AGXT: variants seen among roughly 807,000 people sequenced by gnomAD.
AGXT encodes alanine--glyoxylate aminotransferase, also known as L-alanine: glyoxylate aminotransferase 1.
In AGXT, 41 loss-of-function variants were observed where a neutral mutation model predicts 46.9. The observed-to-expected ratio is 0.88, with a 90% confidence interval of 0.68 to 1.14. AGXT has a LOEUF of 1.14. Ranked by LOEUF, AGXT falls within the 50% of genes most tolerant of loss-of-function variation. The pLI, the probability that AGXT is intolerant of heterozygous loss-of-function variation, is 0.00. For missense variants in AGXT, 525 were observed against 522.7 expected, an observed-to-expected ratio of 1.00 and a Z score of -0.04; for synonymous variants, 244 against 227.9, an observed-to-expected ratio of 1.07 and a Z score of -0.64.
chr2:240,875,059 C>T, intron 6 of AGXT, 50 bp from the exon 7 acceptor site: 1 of 1,515,812 alleles, frequency 6.6e-7, no homozygotes, highest in Non-Finnish European at 9.2e-7. Context: ...CTGCCCTGGC[C>T]TTCAGCCCAA....
chr2:240,875,965 G>C lies in AGXT; in HGVS notation c.807G>C (p.Leu269=), dbSNP rs908760761. 1 of 1,614,238 alleles carries C rather than the reference G, an allele frequency of 6.2e-7. No individual in the cohort carries two copies. The highest frequency in any genetic ancestry group is 8.5e-7 in the Non-Finnish European group (1 of 1,180,038). The change falls in exon 8 of 11, where the codon CTG becomes CTC. Residue 269 remains leucine, a synonymous_variant. Transcript: ENST00000307503. ...ATCACACAATCCCCGTCATCAGCCT[G>C]TACAGCCTGAGAGAGAGCCTGGCCC... ...MYHHTIPVIS[L]YSLRESLALI... is the part of the protein sequence containing the mutation.
intron 9 of AGXT, 80 bp from the exon 10 acceptor site, chr2:240,877,942 C>A (rs2106431950): frequency 6.4e-7 from 1 of 1,569,028 alleles, no homozygotes; most frequent in Non-Finnish European, 8.7e-7. Context: ...GAAGCTGGGG[C>A]AGATGGTGCA....
chr2:240,870,528 C>A, intron 2 of AGXT, 116 bp from the exon 3 acceptor site: 3 of 1,243,264 alleles, frequency 2.4e-6, no homozygotes, highest in Non-Finnish European at 3.4e-6. Context: ...AGCCAGGGTG[C>A]CACGGTGGGT....
intron 2 of AGXT, among the ~76,000 whole-genome samples, chr2:240,869,665 C>T (rs1190794817): frequency 2.0e-5 from 3 of 152,298 alleles, no homozygotes; most frequent in East Asian, 3.9e-4. Flanking sequence ...GCACACACTC[C>T]TGAGAGCCCC....
At chr2:240,877,857 G>A (rs2059035897) in intron 9 of AGXT, among the ~76,000 whole-genome samples, 165 bp from the exon 10 acceptor site, 1 of 152,182 alleles carries the variant, frequency 6.6e-6, no homozygotes. Flanking sequence ...GTGGGAAGGT[G>A]CCCATCCACC....
chr2:240,875,034 G>C (rs540604814), intron 6 of AGXT, 75 bp from the exon 7 acceptor site: 1 of 1,346,152 alleles, frequency 7.4e-7, no homozygotes, highest in African/African-American at 1.4e-5. Flanking sequence ...CCGTGAAACA[G>C]GACAGCCAGC....
At chr2:240,870,774 TG>T in intron 3 of AGXT, 66 bp downstream of exon 3, 1 of 1,476,436 alleles carries the variant, frequency 6.8e-7, no homozygotes, top group South Asian at 1.2e-5. Context: ...GCTCAGGGGC[TG>T]CCTGGAATTG....
intron 10 of AGXT, 44 bp downstream of exon 10, chr2:240,878,194 G>C (rs745497096): frequency 1.9e-6 from 3 of 1,607,956 alleles, no homozygotes; most frequent in Non-Finnish European, 2.5e-6. Context: ...AACCAAACCC[G>C]CCACCCCTCC....
chr2:240,869,544 G>A (rs534498743), intron 2 of AGXT, among the ~76,000 whole-genome samples, 182 bp downstream of exon 2: 12 of 152,228 alleles, frequency 7.9e-5, no homozygotes, highest in South Asian at 4.1e-4. Context: ...CACTCATGAG[G>A]CCTGACTCTG....
At position 240,879,535 on chromosome 2, in the gene AGXT, G is replaced by GT. The variant is rs1171846651; in HGVS notation, c.*717dup. 6 of 152,436 alleles carry GT rather than the reference G, an allele frequency of 3.9e-5. No homozygotes were observed. The highest frequency in any genetic ancestry group is 1.4e-4 in the African/African-American group (6 of 41,420). 9.4% of individuals were successfully genotyped at this position (152,436 alleles called of 1,614,324 possible). A position where few individuals can be genotyped will look rare whatever the true frequency, so the allele number is the denominator to read the frequency against. On this transcript the variant is annotated 3_prime_UTR_variant, in exon 11 of 11. Transcript: ENST00000307503. ...ATTTATTTATTTATTTTGAAACGGA[G>GT]TTTCACTCTTGTTGCCCAGGCTGGA...
At chr2:240,874,505 G>A (rs1396950561) in intron 6 of AGXT, among the ~76,000 whole-genome samples, 1 of 152,250 alleles carries the variant, frequency 6.6e-6, no homozygotes, top group Non-Finnish European at 1.5e-5. Context: ...TAGGGGAAGG[G>A]GGCCAGACCT....
chr2:240,869,491 C>A, intron 2 of AGXT, 129 bp downstream of exon 2: 1 of 1,136,280 alleles, frequency 8.8e-7, no homozygotes, highest in Non-Finnish European at 1.2e-6. Flanking sequence ...CCTGTGCGCA[C>A]GAACCTCCTG....
In AGXT at chr2:240,877,751, T is replaced by A. The variant is rs2059035177; in HGVS notation, c.942+119T>A. The A allele has an allele frequency of 2.5e-6, 3 of 1,191,556 alleles. No individual in the cohort carries two copies. In the Admixed American group the frequency reaches 6.9e-5, roughly 27 times the overall value. 73.8% of individuals were successfully genotyped at this position (1,191,556 alleles called of 1,614,324 possible). A position where few individuals can be genotyped will look rare whatever the true frequency, so the allele number is the denominator to read the frequency against. On this transcript the variant is annotated intron_variant, in intron 9 of 10. Coordinates refer to ENST00000307503, the MANE Select transcript of AGXT (RefSeq NM_000030.3). ...GAAGGAGGGGGCGGCTGCCCGGTGG[T>A]GTGGCCTCGGTGCCAGGGATTAGTC...
At chr2:240,877,679 A>C (rs1043432573) in intron 9 of AGXT, 47 bp downstream of exon 9, 2 of 1,532,402 alleles carry the variant, frequency 1.3e-6, no homozygotes, top group African/African-American at 2.8e-5. Context: ...ATGGGGAAGG[A>C]TGAGGGGCTC....
chr2:240,872,014 C>A (rs888331645), intron 4 of AGXT, among the ~76,000 whole-genome samples: 1 of 152,226 alleles, frequency 6.6e-6, no homozygotes, highest in African/African-American at 2.4e-5. Context: ...CTGCATGGAC[C>A]GTGGCCATGA....
chr2:240,871,464 A>T lies in AGXT; in HGVS notation c.524+15A>T, dbSNP rs562139903. 5 of 1,562,554 alleles carry T rather than the reference A, an allele frequency of 3.2e-6. No individual in the cohort carries two copies. The East Asian group carries it at 1.2e-4, about 37-fold the overall frequency. On this transcript the variant is annotated intron_variant, in intron 4 of 10. Coordinates refer to ENST00000307503, the MANE Select transcript of AGXT (RefSeq NM_000030.3). Reference sequence around the variant, plus strand: ...CTCTGCCACAGGTGAGCCTGGCCCCAGGGCGGTGGACTGGAGCACAGCTCA... The same window carrying T: ...CTCTGCCACAGGTGAGCCTGGCCCCTGGGCGGTGGACTGGAGCACAGCTCA...
chr2:240,873,995 T>C lies in AGXT; in HGVS notation c.613T>C (p.Ser205Pro), dbSNP rs121908520. The C allele has an allele frequency of 3.1e-6, 5 of 1,613,562 alleles. No homozygotes were observed. The African/African-American group carries it at 6.7e-5, about 22-fold the overall frequency. ...MDRQGIDILY[S>P]GSQKALNAPP... ...ATCTACAGGCATCGACATCCTGTAC[T>C]CGGGCTCCCAGAAGGCCCTGAACGC... The change falls in exon 6 of 11, where the codon TCG becomes CCG. Residue 205 changes from serine (S) to proline (P), a missense_variant. Ser to Pro is a moderately conservative substitution (Grantham distance 74). Transcript: ENST00000307503.
At chr2:240,875,810 C>T (rs2059021607) in intron 7 of AGXT, 125 bp from the exon 8 acceptor site, 4 of 1,078,630 alleles carry the variant, frequency 3.7e-6, no homozygotes, top group South Asian at 2.7e-5. Context: ...CAGGACTCCT[C>T]TGCGGAGGAT....
rs75674404 is a variant in AGXT, at chr2:240,873,778, C to T, written c.596-200C>T. 4.1e-3 allele frequency among the ~76,000 whole-genome samples: 628 copies of T among 152,282 alleles called. 23 individuals carry two copies. In the East Asian group the frequency reaches 0.072, roughly 17 times the overall value. ...AGCAGAGGGAGAAGCTGCGCTAAAA[C>T]GCTCAGGCCTGAGGTCATGGCTGCC... On this transcript the variant is annotated intron_variant, in intron 5 of 10. Coordinates refer to ENST00000307503, the MANE Select transcript of AGXT (RefSeq NM_000030.3).
Sources: allele counts gnomAD v4.1 joint callset (sites outside exome capture counted in the v4.1 genomes callset), GRCh38; gene constraint gnomAD v4.1.1; transcripts MANE v1.5; gene names NCBI Gene and HGNC (gene_info 2026-07-23, HGNC 2026-07-21).